The following MLXIP variants were observed in gnomAD, a reference collection of about 807,000 sequenced individuals.
The protein encoded by MLXIP is MLX interacting protein, also known as MLX-interacting protein.
Under a neutral mutation model 87.2 loss-of-function variants are expected in MLXIP, and 30 were observed. That is an observed-to-expected ratio of 0.34 (90% confidence interval 0.26 to 0.47). MLXIP has a LOEUF of 0.47. Ranked by LOEUF, MLXIP falls within the 20% of genes least tolerant of loss-of-function variation. MLXIP has a pLI of 1.00. For missense variants in MLXIP, 1,002 were observed against 1,240.1 expected (o/e 0.81, Z 2.88); for synonymous variants, 530 against 514.0 (o/e 1.03, Z -0.42).
Position 122,141,921 on chromosome 12 carries a change from TC to T in MLXIP, c.*111del, listed in dbSNP as rs1953213405. Reference sequence around the variant, plus strand: ...CTGACGCTCAGCCTCGGGGCCTCTCTCCAACTCTGCCGGCCCACCGTGGCAT... The same window carrying T: ...CTGACGCTCAGCCTCGGGGCCTCTCTCAACTCTGCCGGCCCACCGTGGCAT... On this transcript the variant is annotated 3_prime_UTR_variant, in exon 17 of 17. Coordinates refer to ENST00000319080, the MANE Select transcript of MLXIP (RefSeq NM_014938.6). 1.3e-6 allele frequency: 2 copies of T among 1,504,684 alleles called. No homozygotes were observed. Among genetic ancestry groups the T allele is most frequent in the East Asian group, 4.6e-5 (2 of 43,750 alleles). The allele number at this position is 1,504,684 out of a possible 1,614,324, so 93.2% of individuals were successfully genotyped here.
chr12:122,091,649 C>G (rs1317219537), intron 1 of MLXIP, among the ~76,000 whole-genome samples: 1 of 152,128 alleles, frequency 6.6e-6, no homozygotes, highest in African/African-American at 2.4e-5. Context: ...CTAAAAAGAC[C>G]TTTTCTGTTA....
chr12:122,090,585 A>G (rs926074476), intron 1 of MLXIP, among the ~76,000 whole-genome samples: 20 of 152,126 alleles, frequency 1.3e-4, no homozygotes, highest in African/African-American at 4.8e-4. Flanking sequence ...GTAAGAATTC[A>G]GGTGGTGGGT....
chr12:122,127,469 G>T, intron 2 of MLXIP, 107 bp downstream of exon 2: 1 of 786,964 alleles, frequency 1.3e-6, no homozygotes. Flanking sequence ...GTTTCTAACA[G>T]AAGTTCAGTC....
intron 1 of MLXIP, among the ~76,000 whole-genome samples, chr12:122,091,449 G>A (rs1952243619): frequency 6.6e-6 from 1 of 152,162 alleles, no homozygotes; most frequent in Admixed American, 6.5e-5. Context: ...TGTAGTCCCA[G>A]CACTTTGGGA....
In MLXIP at chr12:122,135,013, T is replaced by C. The variant is rs1953060141; in HGVS notation, c.1733-211T>C. 1 of 573,024 alleles carries C rather than the reference T, an allele frequency of 1.7e-6. No individual in the cohort carries two copies. The highest frequency in any genetic ancestry group is 1.9e-5 in the African/African-American group (1 of 53,176). The allele number at this position is 573,024 out of a possible 1,614,324, so 35.5% of individuals were successfully genotyped here. A position where few individuals can be genotyped will look rare whatever the true frequency, so the allele number is the denominator to read the frequency against. ...TTAAAGTTAGTCACAACCTACAGTG[T>C]GAAAACATGGTCCTGGCCATCTCTT... On this transcript the variant is annotated intron_variant, in intron 9 of 16. Transcript: ENST00000319080. This position sits in a 1 kb window ranked among gnomAD's most constrained non-coding sequence, Gnocchi z 5.3.
intron 1 of MLXIP, among the ~76,000 whole-genome samples, chr12:122,115,747 C>G (rs532668111): frequency 6.6e-6 from 1 of 151,772 alleles, no homozygotes; most frequent in Non-Finnish European, 1.5e-5. Flanking sequence ...TATAATATTG[C>G]GAATATAAAA....
Position 122,137,624 on chromosome 12 carries a change from G to T in MLXIP, c.2154+34G>T. 1 of 1,608,402 alleles carries T rather than the reference G, an allele frequency of 6.2e-7. No individual in the cohort carries two copies. The highest frequency in any genetic ancestry group is 8.5e-7 in the Non-Finnish European group (1 of 1,177,234). On this transcript the variant is annotated intron_variant, in intron 12 of 16. Transcript: ENST00000319080. The surrounding 1 kb of genome is among the most constrained non-coding windows in gnomAD (Gnocchi z 4.1). The stretch of plus-strand genomic sequence containing the variant: ...TGTCTCCTCTTGGTTCCCTTGGGAG[G>T]AGGGGAGAGGAGTGCAGGACATCAA...
Position 122,145,339 on chromosome 12 carries a change from C to T in MLXIP, c.*3527C>T, listed in dbSNP as rs1290617909. 1 of 152,292 alleles carries T rather than the reference C, an allele frequency of 6.6e-6. No homozygotes were observed. The highest frequency in any genetic ancestry group is 1.5e-5 in the Non-Finnish European group (1 of 68,100). The allele number at this position is 152,292 out of a possible 1,614,324, so 9.4% of individuals were successfully genotyped here. ...CCCATTTCCCGCCCATGGGCCCTGA[C>T]CACACTCCCTTTTCTAGAAGTCAAT... On this transcript the variant is annotated 3_prime_UTR_variant, in exon 17 of 17. Transcript: ENST00000319080.
rs1953137433 is a variant in MLXIP at position 122,138,559 on chromosome 12, T to C, written c.2384+8T>C. The C allele has an allele frequency of 6.2e-6, 10 of 1,607,878 alleles. No homozygotes were observed. The highest frequency in any genetic ancestry group is 8.5e-6 in the Non-Finnish European group (10 of 1,177,644). ...GCTCAATGCCACCATCATGTGAGCT[T>C]CTGGGCCTTGGGGCTCCAACCAGGC... is the stretch of plus-strand genomic sequence containing the variant. On this transcript the variant is annotated splice_region_variant and intron_variant, in intron 14 of 16. Coordinates refer to ENST00000319080, the MANE Select transcript of MLXIP (RefSeq NM_014938.6).
chr12:122,085,835 C>T (rs778183497), intron 1 of MLXIP, among the ~76,000 whole-genome samples: 28 of 152,098 alleles, frequency 1.8e-4, no homozygotes, highest in Non-Finnish European at 3.2e-4. Flanking sequence ...AATGGCCCCC[C>T]GAAGATGTGC....
At chr12:122,114,760 G>T (rs1319288438) in intron 1 of MLXIP, among the ~76,000 whole-genome samples, 2 of 99,724 alleles carry the variant, frequency 2.0e-5, no homozygotes, top group African/African-American at 3.5e-5. Flanking sequence ...TTTTTTGGTG[G>T]GGGGGGACAG....
Position 122,135,730 on chromosome 12 carries a change from C to T in MLXIP, c.2032+64C>T. On this transcript the variant is annotated intron_variant, in intron 11 of 16. Transcript: ENST00000319080. The surrounding 1 kb of genome is among the most constrained non-coding windows in gnomAD (Gnocchi z 5.3). ...GGGAAGTAACTGGGCCTGCCGTAGA[C>T]CATGGGGGGTGCTTGCTGGGTCCCC... is the stretch of plus-strand genomic sequence containing the variant. The T allele has an allele frequency of 7.0e-7, 1 of 1,434,572 alleles. No homozygotes were observed. The highest frequency in any genetic ancestry group is 2.9e-5 in the Admixed American group (1 of 34,834). 88.9% of individuals were successfully genotyped at this position (1,434,572 alleles called of 1,614,324 possible). A position where few individuals can be genotyped will look rare whatever the true frequency, so the allele number is the denominator to read the frequency against.
At chr12:122,089,009 CAAAAAA>C (rs1177216284) in intron 1 of MLXIP, among the ~76,000 whole-genome samples, 22 of 47,838 alleles carry the variant, frequency 4.6e-4, no homozygotes, top group African/African-American at 1.2e-3. Flanking sequence ...CCCATCTCTA[CAAAAAA>C]AAAAAAAAAA....
At chr12:122,117,313 C>T (rs953158662) in intron 1 of MLXIP, among the ~76,000 whole-genome samples, 1 of 152,246 alleles carries the variant, frequency 6.6e-6, no homozygotes, top group African/African-American at 2.4e-5. Flanking sequence ...GGGCAGGTGG[C>T]CCGACATGCA....
chr12:122,140,589 C>T (rs548887829), intron 15 of MLXIP, among the ~76,000 whole-genome samples: 36 of 152,268 alleles, frequency 2.4e-4, no homozygotes, highest in African/African-American at 3.9e-4. Flanking sequence ...CCACCGCGCC[C>T]GGCTGGCTTC....
intron 1 of MLXIP, among the ~76,000 whole-genome samples, chr12:122,104,876 G>A (rs1277942473): frequency 5.9e-5 from 9 of 152,064 alleles, no homozygotes. Flanking sequence ...CACCACACCC[G>A]GCCAGCCTTT....
rs746992629 is a variant in MLXIP, at chr12:122,140,794, C to T, written c.2509-160C>T. 5.4e-6 allele frequency: 6 copies of T among 1,114,164 alleles called. No individual in the cohort carries two copies. In the African/African-American group the frequency reaches 9.2e-5, roughly 17 times the overall value. 69.0% of individuals were successfully genotyped at this position (1,114,164 alleles called of 1,614,324 possible). A position where few individuals can be genotyped will look rare whatever the true frequency, so the allele number is the denominator to read the frequency against. ...GTGTTTTCATGAAGTGGAAGACACACCTTGCCTAGAGATCTCTCCCTCTTT... is the reference window on the plus strand; with the variant it reads ...GTGTTTTCATGAAGTGGAAGACACATCTTGCCTAGAGATCTCTCCCTCTTT... On this transcript the variant is annotated intron_variant, in intron 15 of 16. Transcript: ENST00000319080.
intron 1 of MLXIP, among the ~76,000 whole-genome samples, chr12:122,110,719 T>A (rs1952592228): frequency 6.6e-6 from 1 of 151,488 alleles, no homozygotes; most frequent in Non-Finnish European, 1.5e-5. Flanking sequence ...TGCAGTGAGC[T>A]ATGATCATGC....
At chr12:122,099,321 C>T (rs986445247) in intron 1 of MLXIP, among the ~76,000 whole-genome samples, 2 of 152,116 alleles carry the variant, frequency 1.3e-5, no homozygotes, top group African/African-American at 4.8e-5. Flanking sequence ...AGATTGCTGT[C>T]TCTTGGTCCA....
Sources: allele counts gnomAD v4.1 joint callset (sites outside exome capture counted in the v4.1 genomes callset), GRCh38; gene constraint gnomAD v4.1.1; non-coding constraint Gnocchi (gnomAD v3.1); transcripts MANE v1.5; gene names NCBI Gene and HGNC (gene_info 2026-07-23, HGNC 2026-07-21).